TRIP12: variants seen among roughly 807,000 people sequenced by gnomAD.
TRIP12 encodes E3 ubiquitin-protein ligase TRIP12.
Under a neutral mutation model 244.2 loss-of-function variants are expected in TRIP12, and 25 were observed. The observed-to-expected ratio is 0.10, with a 90% CI of 0.07 to 0.14. TRIP12 has a LOEUF of 0.14. TRIP12 is among the 10% of genes least tolerant of loss of function. TRIP12 has a pLI of 1.00. For synonymous variants in TRIP12, 905 were observed against 873.1 expected, an observed-to-expected ratio of 1.04 and a Z score of -0.64; for missense variants, 1,677 against 2,486.4, an observed-to-expected ratio of 0.67 and a Z score of 6.92.
intron 1 of TRIP12, among the ~76,000 whole-genome samples, chr2:229,892,734 T>C (rs10180701): frequency 0.27 from 40,438 of 151,786 alleles, 6,045 homozygotes; most frequent in East Asian, 0.4. Flanking sequence ...GGCATGGTAG[T>C]GCGCATCTCT....
At chr2:229,922,521 C>G (rs577947245), upstream of TRIP12, 2 of 1,613,904 alleles carry the variant, frequency 1.2e-6, no homozygotes, top group Admixed American at 1.7e-5. Flanking sequence ...AAGATGGCGT[C>G]GTGGCTGCCG....
chr2:229,796,667 G>T lies in TRIP12; in HGVS notation c.3740C>A (p.Thr1247Lys). The T allele has an allele frequency of 6.2e-7, 1 of 1,613,026 alleles. No homozygotes were observed. Among genetic ancestry groups the T allele is most frequent in the Non-Finnish European group, 8.5e-7 (1 of 1,179,746 alleles). ...CACAGCATCCTTTTCACTTTTAGAT[G>T]TCAAATAAAGCAACAGCTGCTTCAC... ...GFVKQLLLYLTSKSEKDAVSR... is the reference protein window; with the variant it reads ...GFVKQLLLYLKSKSEKDAVSR... The change falls in exon 25 of 42, where the codon ACA (threonine) becomes AAA (lysine). Residue 1247 changes from threonine (T) to lysine (K), a missense_variant. By Grantham distance (78) the Thr-to-Lys change is moderately conservative. This residue lies in a region of TRIP12 where 77 missense variants were observed against 69.2 expected (regional missense o/e 1.11). Transcript: ENST00000675903.
At chr2:229,784,397 A>C (rs1437219233) in intron 34 of TRIP12, among the ~76,000 whole-genome samples, 2 of 150,362 alleles carry the variant, frequency 1.3e-5, no homozygotes, top group Non-Finnish European at 3.0e-5. Flanking sequence ...AAATTAACTT[A>C]AAATGAATCA....
chr2:229,764,983 A>G lies in TRIP12; in HGVS notation c.*2571T>C, dbSNP rs2031340597. On this transcript the variant is annotated 3_prime_UTR_variant, in exon 42 of 42. Transcript: ENST00000675903. Reference sequence around the variant, plus strand: ...GAAAGGTTTCTGCTGGGTTTGGCTAAGGCATCTAAAACTCCGTGTCTGCTC... The same window carrying G: ...GAAAGGTTTCTGCTGGGTTTGGCTAGGGCATCTAAAACTCCGTGTCTGCTC... 1 of 152,232 alleles carries G rather than the reference A, an allele frequency of 6.6e-6. No individual in the cohort carries two copies. Among genetic ancestry groups the G allele is most frequent in the African/African-American group, 2.4e-5 (1 of 41,458 alleles). The allele number at this position is 152,232 out of a possible 1,614,324, so 9.4% of individuals were successfully genotyped here.
At chr2:229,873,978 A>G (rs1332528609) in intron 2 of TRIP12, among the ~76,000 whole-genome samples, 1 of 152,110 alleles carries the variant, frequency 6.6e-6, no homozygotes, top group Non-Finnish European at 1.5e-5. Context: ...TGGAGAAGGC[A>G]AAGGAAGAAA....
In TRIP12 at chr2:229,898,711, A is replaced by C. The variant is rs145448957; in HGVS notation, c.-49-18583T>G. ...AGCATTTTGTTTAAATTTTTTTTTAAAGACAGGGTCCCACTGTCCACCAAG... is the reference window on the plus strand; with the variant it reads ...AGCATTTTGTTTAAATTTTTTTTTACAGACAGGGTCCCACTGTCCACCAAG... On this transcript the variant is annotated intron_variant, in intron 1 of 41. Coordinates refer to ENST00000675903, the MANE Select transcript of TRIP12 (RefSeq NM_001348323.3). Among the ~76,000 whole-genome samples the C allele has an allele frequency of 1.3e-3, 203 of 152,284 alleles. 1 individual carries two copies. The highest frequency in any genetic ancestry group is 4.6e-3 in the African/African-American group (192 of 41,562).
chr2:229,915,289 T>C (rs916820230), intron 1 of TRIP12, among the ~76,000 whole-genome samples: 6 of 152,158 alleles, frequency 3.9e-5, no homozygotes, highest in African/African-American at 1.4e-4. Flanking sequence ...ATGTACTTTA[T>C]CAACTATTAC....
chr2:229,922,785 G>A (rs1052496104), upstream of TRIP12, among the ~76,000 whole-genome samples: 1 of 152,180 alleles, frequency 6.6e-6, no homozygotes, highest in African/African-American at 2.4e-5. Context: ...GACGGCCCGC[G>A]TGTCCCTGCT....
intron 23 of TRIP12, among the ~76,000 whole-genome samples, chr2:229,798,455 C>G (rs1252552946): frequency 6.7e-6 from 1 of 149,450 alleles, no homozygotes; most frequent in South Asian, 2.1e-4. Flanking sequence ...AAAACAAGTC[C>G]CAAGGACTTA....
intron 25 of TRIP12, 113 bp downstream of exon 25, chr2:229,796,478 T>G: frequency 1.1e-6 from 1 of 893,826 alleles, no homozygotes; most frequent in Non-Finnish European, 1.6e-6. Flanking sequence ...AACCTAGAAG[T>G]TTTCCCTCAA....
chr2:229,827,450 T>C (rs2052003893), intron 8 of TRIP12, among the ~76,000 whole-genome samples: 1 of 152,090 alleles, frequency 6.6e-6, no homozygotes, highest in Admixed American at 6.5e-5. Context: ...ATAAGCTTTT[T>C]CCTATTTTGA....
At chr2:229,858,403 A>G (rs1482249129) in intron 4 of TRIP12, among the ~76,000 whole-genome samples, 1 of 152,226 alleles carries the variant, frequency 6.6e-6, no homozygotes, top group Non-Finnish European at 1.5e-5. Context: ...ATGGCAACTC[A>G]TAACTAAAAA....
intron 38 of TRIP12, among the ~76,000 whole-genome samples, chr2:229,772,343 G>A (rs1243476378): frequency 1.3e-5 from 2 of 152,180 alleles, no homozygotes; most frequent in Non-Finnish European, 2.9e-5. Context: ...TTATTTGCTA[G>A]TAAGATGGAA....
chr2:229,781,211 C>CA (rs2038050820), intron 34 of TRIP12, among the ~76,000 whole-genome samples: 1 of 152,180 alleles, frequency 6.6e-6, no homozygotes, highest in South Asian at 2.1e-4. Flanking sequence ...GATTATCATT[C>CA]TACCCAACTA....
At chr2:229,769,472 AATAAT>A in intron 39 of TRIP12, 147 bp from the exon 40 acceptor site, 1 of 403,670 alleles carries the variant, frequency 2.5e-6, no homozygotes, top group Non-Finnish European at 4.2e-6. Context: ...AAAAAAAAAT[AATAAT>A]AAAATAAAAT....
chr2:229,806,040 A>T, intron 17 of TRIP12, 157 bp from the exon 18 acceptor site: 1 of 535,624 alleles, frequency 1.9e-6, no homozygotes, highest in Middle Eastern at 4.0e-4. Flanking sequence ...TGTAGATATG[A>T]CAAAACTCAT....
intron 4 of TRIP12, among the ~76,000 whole-genome samples, chr2:229,852,642 A>T (rs943221195): frequency 6.6e-6 from 1 of 152,172 alleles, no homozygotes; most frequent in African/African-American, 2.4e-5. Context: ...GACTTTTACC[A>T]AGTAACACAG....
At chr2:229,888,834 T>C (rs910198371) in intron 1 of TRIP12, among the ~76,000 whole-genome samples, 1 of 151,736 alleles carries the variant, frequency 6.6e-6, no homozygotes, top group African/African-American at 2.4e-5. Context: ...TGTTGAGAGC[T>C]ATTTCTAGAA....
intron 26 of TRIP12, among the ~76,000 whole-genome samples, chr2:229,794,643 C>T (rs917451286): frequency 2.0e-5 from 3 of 152,016 alleles, no homozygotes; most frequent in Non-Finnish European, 2.9e-5. Flanking sequence ...CAAAATATTC[C>T]ATGAAACTTG....
Sources: gnomAD v4.1 joint callset for allele counts (sites outside exome capture counted in the v4.1 genomes callset) on GRCh38, gnomAD v4.1.1 for gene constraint, gnomAD v4.1.1 regional missense constraint, MANE v1.5 for transcripts, NCBI Gene and HGNC (gene_info 2026-07-23, HGNC 2026-07-21) for gene names.